Variants in KAT7 observed in about 807,000 individuals in gnomAD.
The protein encoded by KAT7 is histone acetyltransferase KAT7.
KAT7 carries 10 observed loss-of-function variants against 82.1 expected under a neutral mutation model. The ratio of observed to expected loss-of-function variants is 0.12; its 90% confidence interval spans 0.08 to 0.21. The LOEUF (loss-of-function observed/expected upper bound fraction) is 0.21. Among genes scored for constraint, KAT7 ranks in the 10% least tolerant of loss-of-function variants. The pLI is 1.00. For synonymous variants in KAT7, 250 were observed against 262.5 expected (o/e 0.95, Z 0.46); for missense variants, 378 against 760.9 (o/e 0.50, Z 5.92).
In KAT7 at chr17:49,788,694, G is replaced by A. The variant is rs1567843382; in HGVS notation, c.-141G>A. 1 of 908,982 alleles carries A rather than the reference G, an allele frequency of 1.1e-6. No individual in the cohort carries two copies. The highest frequency in any genetic ancestry group is 1.6e-6 in the Non-Finnish European group (1 of 626,978). 56.3% of individuals were successfully genotyped at this position (908,982 alleles called of 1,614,324 possible). On this transcript the variant is annotated 5_prime_UTR_variant, in exon 1 of 15. Coordinates refer to ENST00000259021, the MANE Select transcript of KAT7 (RefSeq NM_007067.5). ...CGCGGCGCCTGCGCAGAACGCTCCA[G>A]ACGCTGAGAGGCAGGAGGCACTAGG...
rs555809818 is a variant in KAT7, at chr17:49,800,852, A to T, written c.580+2294A>T. 2.0e-5 allele frequency among the ~76,000 whole-genome samples: 3 copies of T among 152,274 alleles called. No homozygotes were observed. The South Asian group carries it at 6.2e-4, about 32-fold the overall frequency. The stretch of plus-strand genomic sequence containing the variant: ...ATATTGTGTGTGTATATACATACAT[A>T]TGTGTATGTATATGTGACATATATA... On this transcript the variant is annotated intron_variant, in intron 4 of 14. Coordinates refer to ENST00000259021, the MANE Select transcript of KAT7 (RefSeq NM_007067.5).
Position 49,827,533 on chromosome 17 carries a change from C to A in KAT7, c.*31C>A, listed in dbSNP as rs748689670. On this transcript the variant is annotated 3_prime_UTR_variant, in exon 15 of 15. Coordinates refer to ENST00000259021, the MANE Select transcript of KAT7 (RefSeq NM_007067.5). ...CCTGTCATTCCGAGCCAGCGAACCC[C>A]AGCAGTAGGAATCCGTACCCTAGGG... 7.8e-7 allele frequency: 1 copy of A among 1,277,698 alleles called. No homozygotes were observed. Among genetic ancestry groups the A allele is most frequent in the Admixed American group, 1.7e-5 (1 of 59,324 alleles). The allele number at this position is 1,277,698 out of a possible 1,614,324, so 79.1% of individuals were successfully genotyped here. A position where few individuals can be genotyped will look rare whatever the true frequency, so the allele number is the denominator to read the frequency against.
intron 5 of KAT7, among the ~76,000 whole-genome samples, chr17:49,806,541 A>G (rs560132388): frequency 3.9e-5 from 6 of 152,284 alleles, no homozygotes; most frequent in African/African-American, 1.4e-4. Context: ...GCCCACATCT[A>G]TGTCAGAAGC....
chr17:49,812,757 G>A (rs2074183998), intron 7 of KAT7, among the ~76,000 whole-genome samples: 3 of 152,064 alleles, frequency 2.0e-5, no homozygotes, highest in Admixed American at 2.0e-4. Context: ...AGGCTGGAGT[G>A]CAGTGGTGCG....
At chr17:49,823,492 ACTC>A (rs1219253036) in intron 12 of KAT7, 197 bp downstream of exon 12, 7 of 519,280 alleles carry the variant, frequency 1.3e-5, no homozygotes, top group African/African-American at 7.7e-5. Flanking sequence ...GGAGTACAGG[ACTC>A]CTCCTTAATG....
intron 12 of KAT7, 92 bp from the exon 13 acceptor site, chr17:49,825,908 T>C: frequency 7.4e-7 from 1 of 1,349,600 alleles, no homozygotes; most frequent in African/African-American, 1.5e-5. Flanking sequence ...GGACTGTGCT[T>C]CTTAAACCTT....
intron 2 of KAT7, among the ~76,000 whole-genome samples, chr17:49,796,076 A>G (rs1345745801): frequency 6.6e-6 from 1 of 152,078 alleles, no homozygotes; most frequent in Non-Finnish European, 1.5e-5. Flanking sequence ...CTTTGTCCTC[A>G]GGTTGGAGAT....
chr17:49,803,207 C>T (rs2074047132), intron 4 of KAT7, among the ~76,000 whole-genome samples: 1 of 151,700 alleles, frequency 6.6e-6, no homozygotes, highest in Admixed American at 6.6e-5. Flanking sequence ...CTCCCAGGTT[C>T]AAGCGATTTG....
intron 4 of KAT7, among the ~76,000 whole-genome samples, chr17:49,800,328 C>G (rs1054802641): frequency 6.6e-6 from 1 of 152,110 alleles, no homozygotes; most frequent in African/African-American, 2.4e-5. Context: ...GGTCTTACAG[C>G]AGTTTCTCAG....
chr17:49,792,770 C>T (rs1416513922), intron 2 of KAT7, among the ~76,000 whole-genome samples: 1 of 152,126 alleles, frequency 6.6e-6, no homozygotes, highest in Non-Finnish European at 1.5e-5. Context: ...TTAAAGTAGG[C>T]TAGGCTAAGC....
intron 2 of KAT7, among the ~76,000 whole-genome samples, chr17:49,792,809 C>T (rs1254159405): frequency 6.6e-6 from 1 of 151,836 alleles, no homozygotes; most frequent in African/African-American, 2.4e-5. Context: ...AGGTGTATAG[C>T]GGTTTTTTTT....
At chr17:49,826,889 C>T (rs1347033196) in intron 14 of KAT7, 90 bp downstream of exon 14, 8 of 801,046 alleles carry the variant, frequency 1.0e-5, no homozygotes, top group Admixed American at 2.4e-5. Flanking sequence ...GAGAACCTTC[C>T]CTTAAAGGAG....
At chr17:49,791,737 G>A in intron 1 of KAT7, 149 bp from the exon 2 acceptor site, 8 of 702,734 alleles carry the variant, frequency 1.1e-5, no homozygotes, top group Non-Finnish European at 2.0e-5. Flanking sequence ...AGTTGCCTGA[G>A]GGGGTGGGAG....
In KAT7 at chr17:49,821,391, A is replaced by G. The variant is rs74758149; in HGVS notation, c.1210A>G (p.Ile404Val). Residue 404 changes from isoleucine (I) to valine (V), a missense_variant, in exon 10 of 15, where the codon ATC becomes GTC. Ile to Val is a conservative substitution (Grantham distance 29). Coordinates refer to ENST00000259021, the MANE Select transcript of KAT7 (RefSeq NM_007067.5). ...TGATGAGATATATCGCAAAGGTTCA[A>G]TCTCTGTGTTTGAAGTGGATGGCAA... ...PGDEIYRKGS[I>V]SVFEVDGKKN... The G allele has an allele frequency of 1.2e-4, 199 of 1,613,896 alleles. No individual in the cohort carries two copies. The highest frequency in any genetic ancestry group is 1.6e-4 in the Non-Finnish European group (193 of 1,180,002).
At chr17:49,792,061 A>T in intron 2 of KAT7, 28 bp downstream of exon 2, 1 of 1,606,826 alleles carries the variant, frequency 6.2e-7, no homozygotes, top group Non-Finnish European at 8.5e-7. Context: ...TTTCCTTACC[A>T]CTCCTCACAT....
At chr17:49,790,328 C>T (rs889778168) in intron 1 of KAT7, among the ~76,000 whole-genome samples, 3 of 152,152 alleles carry the variant, frequency 2.0e-5, no homozygotes, top group Admixed American at 6.6e-5. Context: ...TCTCTAGTAG[C>T]TGGGATTACA....
rs1332310619 is a variant in KAT7, at chr17:49,829,833, C to CA, written c.*2332dup. On this transcript the variant is annotated 3_prime_UTR_variant, in exon 15 of 15. Transcript: ENST00000259021. ...ATTTAAACCCCCACAGGTGTGGAAACAGAGTTTCACTTGCCTTGGCAACTT... is the reference window on the plus strand; with the variant it reads ...ATTTAAACCCCCACAGGTGTGGAAACAAGAGTTTCACTTGCCTTGGCAACTT... 1.3e-5 allele frequency: 2 copies of CA among 151,908 alleles called. No individual in the cohort carries two copies. Among genetic ancestry groups the CA allele is most frequent in the African/African-American group, 4.8e-5 (2 of 41,362 alleles). 9.4% of individuals were successfully genotyped at this position (151,908 alleles called of 1,614,324 possible). A position where few individuals can be genotyped will look rare whatever the true frequency, so the allele number is the denominator to read the frequency against.
At chr17:49,816,249 C>G (rs2074233272) in intron 8 of KAT7, among the ~76,000 whole-genome samples, 1 of 152,216 alleles carries the variant, frequency 6.6e-6, no homozygotes, top group African/African-American at 2.4e-5. Flanking sequence ...CTAGGAGAGA[C>G]TCATCTCTGT....
Position 49,832,425 on chromosome 17 carries a change from T to C in KAT7, c.*4923T>C, listed in dbSNP as rs1205385943. The stretch of plus-strand genomic sequence containing the variant: ...CAGCACAGCTCAGCCATGATCCTTT[T>C]ACCACTTTTTTCTTCTGTCCTTGAG... On this transcript the variant is annotated 3_prime_UTR_variant, in exon 15 of 15. Coordinates refer to ENST00000259021, the MANE Select transcript of KAT7 (RefSeq NM_007067.5). 6.6e-6 allele frequency: 1 copy of C among 152,228 alleles called. No individual in the cohort carries two copies. Among genetic ancestry groups the C allele is most frequent in the African/African-American group, 2.4e-5 (1 of 41,454 alleles). The allele number at this position is 152,228 out of a possible 1,614,324, so 9.4% of individuals were successfully genotyped here.
Sources: allele counts gnomAD v4.1 joint callset (sites outside exome capture counted in the v4.1 genomes callset), GRCh38; gene constraint gnomAD v4.1.1; transcripts MANE v1.5; gene names NCBI Gene and HGNC (gene_info 2026-07-23, HGNC 2026-07-21).